INTS3: variants seen among roughly 807,000 people sequenced by gnomAD.
INTS3 encodes the protein SOSS complex subunit A.
In INTS3, 34 loss-of-function variants were observed where a neutral mutation model predicts 146.3. The ratio of observed to expected loss-of-function variants is 0.23; its 90% confidence interval spans 0.18 to 0.31. INTS3 has a LOEUF of 0.31. INTS3 is among the 10% of genes least tolerant of loss of function. The pLI is 1.00. For missense variants in INTS3, 757 were observed against 1,304.2 expected (o/e 0.58, Z 6.46); for synonymous variants, 475 against 494.9 (o/e 0.96, Z 0.53).
Position 153,773,332 on chromosome 1 carries a change from G to C in INTS3, c.*62G>C. Reference sequence around the variant, plus strand: ...CCCTCTCCTTCTTGGTGATTCAAAGGTTAATAGAGGCTGAGGAGATTGCAG... The same window carrying C: ...CCCTCTCCTTCTTGGTGATTCAAAGCTTAATAGAGGCTGAGGAGATTGCAG... On this transcript the variant is annotated 3_prime_UTR_variant, in exon 30 of 30. Transcript: ENST00000318967. The C allele has an allele frequency of 1.4e-6, 2 of 1,444,186 alleles. No individual in the cohort carries two copies. The highest frequency in any genetic ancestry group is 2.0e-6 in the Non-Finnish European group (2 of 1,025,156). The allele number at this position is 1,444,186 out of a possible 1,614,324, so 89.5% of individuals were successfully genotyped here. A position where few individuals can be genotyped will look rare whatever the true frequency, so the allele number is the denominator to read the frequency against.
Position 153,762,825 on chromosome 1 carries a change from T to C in INTS3, c.1614T>C (p.Asp538=). The C allele has an allele frequency of 1.2e-6, 2 of 1,614,124 alleles. No individual in the cohort carries two copies. The highest frequency in any genetic ancestry group is 1.7e-6 in the Non-Finnish European group (2 of 1,180,030). The stretch of plus-strand genomic sequence containing the variant: ...ATGCAGAGGCAGCCTTCAGTGACGA[T>C]GAAGAGGATCTCAACAGCAAAGGTG... ...YDNAEAAFSD[D]EEDLNSKGKK... The change falls in exon 15 of 30, where the codon GAT becomes GAC. Residue 538 remains aspartate, a synonymous_variant. Transcript: ENST00000318967.
At chr1:153,761,886 C>T (rs1248937385) in intron 14 of INTS3, among the ~76,000 whole-genome samples, 1 of 152,202 alleles carries the variant, frequency 6.6e-6, no homozygotes, top group Non-Finnish European at 1.5e-5. Flanking sequence ...ATTTGACTTG[C>T]TCATCTTTCT....
rs140718184 is a variant in INTS3, at chr1:153,747,025, A to G, written c.387A>G (p.Ile129Met). The G allele has an allele frequency of 2.2e-5, 35 of 1,613,968 alleles. 1 individual carries two copies. The Middle Eastern group carries it at 1.8e-3, about 84-fold the overall frequency. ...MNIVLNKINQ[I>M]LMEKYLKLQD... ...TTGTCCTGAATAAAATCAACCAGATACTTATGGAGAAGTACCTGAAGCTGC... is the reference window on the plus strand; with the variant it reads ...TTGTCCTGAATAAAATCAACCAGATGCTTATGGAGAAGTACCTGAAGCTGC... The change falls in exon 4 of 30, where the codon ATA becomes ATG. Residue 129 changes from isoleucine to methionine, a missense_variant. Ile to Met is a conservative substitution (Grantham distance 10). This residue lies in a region of INTS3 where 160 missense variants were observed against 193.7 expected (regional missense o/e 0.83). Transcript: ENST00000318967.
chr1:153,762,646 TC>T, intron 14 of INTS3, 81 bp from the exon 15 acceptor site: 2 of 1,528,040 alleles, frequency 1.3e-6, no homozygotes, highest in Non-Finnish European at 1.8e-6. Flanking sequence ...TCACTTGCCC[TC>T]CATTCTCCCT....
At chr1:153,770,057 GGGTGTGTGT>G (rs1672758865) in intron 23 of INTS3, 132 bp from the exon 24 acceptor site, 9 of 451,854 alleles carry the variant, frequency 2.0e-5, no homozygotes, top group South Asian at 5.7e-5. Flanking sequence ...CAGTGGATTG[GGGTGTGTGT>G]GTGTGTGTGT....
In INTS3 at chr1:153,772,035, T is replaced by C. The variant is rs1672903825; in HGVS notation, c.2720+72T>C. The C allele has an allele frequency of 2.3e-6, 3 of 1,289,328 alleles. No homozygotes were observed. The African/African-American group carries it at 4.5e-5, about 19-fold the overall frequency. The allele number at this position is 1,289,328 out of a possible 1,614,324, so 79.9% of individuals were successfully genotyped here. On this transcript the variant is annotated intron_variant, in intron 26 of 29. Transcript: ENST00000318967. The surrounding 1 kb of genome is among the most constrained non-coding windows in gnomAD (Gnocchi z 4.6). ...TGATTGCTGTCGGTGGTGGTGGTGGTGGTGGTGGTGGTGGTGATGGGGGTC... is the reference window on the plus strand; with the variant it reads ...TGATTGCTGTCGGTGGTGGTGGTGGCGGTGGTGGTGGTGGTGATGGGGGTC...
chr1:153,767,961 C>G (rs1672661813), intron 21 of INTS3, 134 bp downstream of exon 21: 1 of 760,998 alleles, frequency 1.3e-6, no homozygotes, highest in Admixed American at 3.6e-5. Context: ...TTCCCACACT[C>G]ACAGCTGTCC....
intron 1 of INTS3, among the ~76,000 whole-genome samples, chr1:153,735,471 G>A (rs1322566646): frequency 6.6e-6 from 1 of 152,154 alleles, no homozygotes; most frequent in Non-Finnish European, 1.5e-5. Flanking sequence ...CTGTCAGTTT[G>A]CTTATTAGCT....
intron 21 of INTS3, 83 bp from the exon 22 acceptor site, chr1:153,768,810 G>C: frequency 1.9e-6 from 2 of 1,068,554 alleles, no homozygotes; most frequent in Non-Finnish European, 2.9e-6. Context: ...CAAACCTTGA[G>C]ATGTAATAAG....
In INTS3 at chr1:153,773,497, C is replaced by G. The variant is rs1672994525; in HGVS notation, c.*227C>G. The G allele has an allele frequency of 3.3e-6, 2 of 599,756 alleles. No individual in the cohort carries two copies. Among genetic ancestry groups the G allele is most frequent in the African/African-American group, 3.7e-5 (2 of 53,678 alleles). 37.2% of individuals were successfully genotyped at this position (599,756 alleles called of 1,614,324 possible). On this transcript the variant is annotated 3_prime_UTR_variant, in exon 30 of 30. Transcript: ENST00000318967. ...CTCCAGCCCCTCACACTGCTGTTCC[C>G]AGTGATATTTGGGATCTGACTGAAG...
In INTS3 at chr1:153,772,261, G is replaced by C. The variant is rs961131605; in HGVS notation, c.2721-79G>C. On this transcript the variant is annotated intron_variant, in intron 26 of 29. Coordinates refer to ENST00000318967, the MANE Select transcript of INTS3 (RefSeq NM_023015.5). This position sits in a 1 kb window ranked among gnomAD's most constrained non-coding sequence, Gnocchi z 4.6. The stretch of plus-strand genomic sequence containing the variant: ...CATGTAGGCTGCCTCTGTCTTAAGG[G>C]GGCCCTGGCGGGTGGAGGGTGTCTC... 2.7e-6 allele frequency: 4 copies of C among 1,502,468 alleles called. No individual in the cohort carries two copies. In the African/African-American group the frequency reaches 5.5e-5, roughly 21 times the overall value. The allele number at this position is 1,502,468 out of a possible 1,614,324, so 93.1% of individuals were successfully genotyped here.
chr1:153,773,040 C>T lies in INTS3; in HGVS notation c.3010C>T (p.Pro1004Ser). 2.5e-6 allele frequency: 4 copies of T among 1,614,192 alleles called. No homozygotes were observed. The highest frequency in any genetic ancestry group is 1.1e-5 in the South Asian group (1 of 91,086). The change falls in exon 29 of 30, where the codon CCC (proline) becomes TCC (serine). Residue 1004 changes from proline to serine, a missense_variant. By Grantham distance (74) the Pro-to-Ser change is moderately conservative. Coordinates refer to ENST00000318967, the MANE Select transcript of INTS3 (RefSeq NM_023015.5). ...TCGAAGTCGAAAGAATGCCACACAG[C>T]CCCCCAATGCCGAAGAAGAGTCGGG... is the stretch of plus-strand genomic sequence containing the variant. ...SPRSRKNATQ[P>S]PNAEEESGSS... is the part of the protein sequence containing the mutation.
chr1:153,761,750 T>A, intron 14 of INTS3, 74 bp downstream of exon 14: 1 of 915,458 alleles, frequency 1.1e-6, no homozygotes. Flanking sequence ...CCAGAGCCCC[T>A]TTCAGGATGT....
chr1:153,767,351 C>G, intron 20 of INTS3: 1 of 269,976 alleles, frequency 3.7e-6, no homozygotes, highest in Non-Finnish European at 6.9e-6. Context: ...GGTTAGAGCC[C>G]AGAAAGCAAG....
intron 7 of INTS3, 109 bp downstream of exon 7, chr1:153,751,348 C>G: frequency 9.1e-7 from 1 of 1,096,330 alleles, no homozygotes; most frequent in Non-Finnish European, 1.3e-6. Flanking sequence ...GAAGGTGCAT[C>G]AAGATCTGGT....
intron 8 of INTS3, 47 bp downstream of exon 8, chr1:153,752,455 T>C (rs748709248): frequency 1.7e-5 from 26 of 1,570,600 alleles, no homozygotes; most frequent in Non-Finnish European, 2.1e-5. Flanking sequence ...GGGAGTTCAA[T>C]GTGTATGTCT....
chr1:153,768,975 T>C lies in INTS3; in HGVS notation c.2313+14T>C. 6.2e-7 allele frequency: 1 copy of C among 1,607,326 alleles called. No homozygotes were observed. Among genetic ancestry groups the C allele is most frequent in the Non-Finnish European group, 8.5e-7 (1 of 1,174,036 alleles). Reference sequence around the variant, plus strand: ...GACTCTGCACAGGTGAACATTGAGCTCTGACCTCCCCAGAAGATCTGGGAG... The same window carrying C: ...GACTCTGCACAGGTGAACATTGAGCCCTGACCTCCCCAGAAGATCTGGGAG... On this transcript the variant is annotated intron_variant, in intron 22 of 29. Transcript: ENST00000318967.
intron 11 of INTS3, 50 bp from the exon 12 acceptor site, chr1:153,760,256 AAAGAG>A (rs1235850245): frequency 3.2e-5 from 34 of 1,061,594 alleles, no homozygotes; most frequent in African/African-American, 1.7e-4. Flanking sequence ...AAAAAAAAAA[AAAGAG>A]AGAGAGAGAC....
At chr1:153,764,848 C>T in intron 19 of INTS3, 96 bp from the exon 20 acceptor site, 2 of 1,552,326 alleles carry the variant, frequency 1.3e-6, no homozygotes, top group Non-Finnish European at 1.8e-6. Flanking sequence ...AGGACATATG[C>T]TGTGGGCACA....
Sources: allele counts gnomAD v4.1 joint callset (sites outside exome capture counted in the v4.1 genomes callset), GRCh38; gene constraint gnomAD v4.1.1; regional missense constraint gnomAD v4.1.1; non-coding constraint Gnocchi (gnomAD v3.1); transcripts MANE v1.5; gene names NCBI Gene and HGNC (gene_info 2026-07-23, HGNC 2026-07-21).